WDFY3: variants seen among roughly 807,000 people sequenced by gnomAD.
WDFY3 encodes the protein WD repeat and FYVE domain containing 3.
Under a neutral mutation model 409.6 loss-of-function variants are expected in WDFY3, and 66 were observed. The observed-to-expected ratio is 0.16, with a 90% CI of 0.13 to 0.20. The LOEUF is 0.20. Among genes scored for constraint, WDFY3 ranks in the 10% least tolerant of loss-of-function variants. WDFY3 has a pLI of 1.00. For synonymous variants in WDFY3, 1,521 were observed against 1,537.1 expected (o/e 0.99, Z 0.25); for missense variants, 3,031 against 4,298.1 (o/e 0.71, Z 8.24).
intron 47 of WDFY3, among the ~76,000 whole-genome samples, chr4:84,719,080 TG>T (rs1237425065): frequency 2.0e-5 from 3 of 152,232 alleles, no homozygotes; most frequent in Admixed American, 6.5e-5. Context: ...TGTCTTTTTT[TG>T]TAAGTTTCTA....
In WDFY3 at chr4:84,787,541, G is replaced by A. The variant is rs2149524402; in HGVS notation, c.3842C>T (p.Thr1281Ile). Reference sequence around the variant, plus strand: ...ATTTGGTCCAAGTTCATAAATGGTAGTAACATTTGAAGAAGGTAAAACTTC... The same window carrying A: ...ATTTGGTCCAAGTTCATAAATGGTAATAACATTTGAAGAAGGTAAAACTTC... ...LEEVLPSSNVTTIYELGPNYV... is the reference protein window; with the variant it reads ...LEEVLPSSNVITIYELGPNYV... Residue 1281 changes from threonine (T) to isoleucine (I), a missense_variant, in exon 23 of 68, where the codon ACT becomes ATT. Transcript: ENST00000295888. The A allele has an allele frequency of 1.9e-6, 3 of 1,614,164 alleles. No individual in the cohort carries two copies. Among genetic ancestry groups the A allele is most frequent in the Non-Finnish European group, 2.5e-6 (3 of 1,180,040 alleles).
chr4:84,817,582 A>G lies in WDFY3; in HGVS notation c.1697T>C (p.Ile566Thr). ...TCTTGCACCTCCAAATTCTCGAAAA[A>G]TTCCTTGAAGGAAGGAGAAAAAGTC... The part of the protein sequence containing the change: ...LLQGSNTNAG[I>T]FREFGGARCA... Residue 566 changes from isoleucine (I) to threonine (T), a missense_variant, in exon 13 of 68, where the codon ATT (isoleucine) becomes ACT (threonine). Coordinates refer to ENST00000295888, the MANE Select transcript of WDFY3 (RefSeq NM_014991.6). 6.3e-7 allele frequency: 1 copy of G among 1,593,178 alleles called. No individual in the cohort carries two copies. Among genetic ancestry groups the G allele is most frequent in the Non-Finnish European group, 8.6e-7 (1 of 1,168,466 alleles).
At chr4:84,686,813 A>G (rs1728405400) in intron 62 of WDFY3, among the ~76,000 whole-genome samples, 1 of 152,160 alleles carries the variant, frequency 6.6e-6, no homozygotes, top group Non-Finnish European at 1.5e-5. Context: ...CAACTTACTA[A>G]CGCGATAAGC....
chr4:84,848,958 G>C (rs1403236999), intron 5 of WDFY3, among the ~76,000 whole-genome samples: 2 of 152,046 alleles, frequency 1.3e-5, no homozygotes, highest in African/African-American at 4.8e-5. Context: ...CAGGCTAAAG[G>C]TATCACTTTA....
chr4:84,850,824 A>G (rs1758812218), intron 4 of WDFY3, among the ~76,000 whole-genome samples: 1 of 151,948 alleles, frequency 6.6e-6, no homozygotes, highest in African/African-American at 2.4e-5. Flanking sequence ...CAAAAAAACT[A>G]GAAAACAGAA....
At chr4:84,832,812 G>A (rs1311859506) in intron 7 of WDFY3, among the ~76,000 whole-genome samples, 1 of 151,816 alleles carries the variant, frequency 6.6e-6, no homozygotes, top group Admixed American at 6.6e-5. Context: ...AAATAGCATT[G>A]CTTTTCCAAG....
intron 30 of WDFY3, among the ~76,000 whole-genome samples, chr4:84,768,135 T>G (rs141310685): frequency 4.0e-5 from 6 of 151,744 alleles, no homozygotes; most frequent in African/African-American, 1.5e-4. Flanking sequence ...CCAGAAGAGG[T>G]TGGTTCATGA....
At chr4:84,785,848 C>A in intron 24 of WDFY3, 131 bp downstream of exon 24, 1 of 1,166,944 alleles carries the variant, frequency 8.6e-7, no homozygotes, top group Non-Finnish European at 1.2e-6. Context: ...GTCAAATTAA[C>A]CAAACATAAA....
chr4:84,793,208 T>G (rs1748811088), intron 21 of WDFY3, among the ~76,000 whole-genome samples: 1 of 152,194 alleles, frequency 6.6e-6, no homozygotes, highest in Non-Finnish European at 1.5e-5. Context: ...AAACTGGGTG[T>G]CTCTCCTAGG....
intron 32 of WDFY3, among the ~76,000 whole-genome samples, chr4:84,757,508 A>G (rs535073647): frequency 3.3e-4 from 51 of 152,324 alleles, no homozygotes; most frequent in Non-Finnish European, 6.5e-4. Flanking sequence ...CCTAAGAAAA[A>G]AGTGAAATCC....
intron 2 of WDFY3, among the ~76,000 whole-genome samples, chr4:84,908,268 T>C (rs1561052180): frequency 6.6e-6 from 1 of 152,112 alleles, no homozygotes; most frequent in African/African-American, 2.4e-5. Context: ...GCCTGAAATA[T>C]CTTAGCAACA....
intron 1 of WDFY3, among the ~76,000 whole-genome samples, chr4:84,944,084 A>G (rs1030691288): frequency 6.6e-6 from 1 of 152,244 alleles, no homozygotes; most frequent in Non-Finnish European, 1.5e-5. Flanking sequence ...TCGTGTAATG[A>G]TTTTCAATAA....
chr4:84,676,269 A>G (rs1462448679), intron 67 of WDFY3, among the ~76,000 whole-genome samples: 2 of 152,364 alleles, frequency 1.3e-5, no homozygotes, highest in South Asian at 4.1e-4. Flanking sequence ...GCCAACAAAC[A>G]TGAAAAGATG....
At chr4:84,937,245 T>A (rs562855971) in intron 1 of WDFY3, among the ~76,000 whole-genome samples, 1 of 152,172 alleles carries the variant, frequency 6.6e-6, no homozygotes, top group Non-Finnish European at 1.5e-5. Context: ...TCTTGACTTA[T>A]CTGCAGCATT....
chr4:84,846,720 A>C (rs1758124841), intron 5 of WDFY3, among the ~76,000 whole-genome samples: 1 of 151,588 alleles, frequency 6.6e-6, no homozygotes, highest in Admixed American at 6.6e-5. Context: ...CGTATTTTTA[A>C]AAGGTATAAA....
intron 12 of WDFY3, among the ~76,000 whole-genome samples, 188 bp from the exon 13 acceptor site, chr4:84,817,773 T>A (rs574273169): frequency 3.2e-4 from 49 of 152,328 alleles, no homozygotes; most frequent in South Asian, 1.7e-3. Context: ...CAAAGGTATA[T>A]GCAAATTTTC....
At chr4:84,946,760 A>G (rs991928831) in intron 1 of WDFY3, among the ~76,000 whole-genome samples, 1 of 152,068 alleles carries the variant, frequency 6.6e-6, no homozygotes, top group Non-Finnish European at 1.5e-5. Context: ...CCCTGGCTCT[A>G]GTACAGACAG....
intron 3 of WDFY3, among the ~76,000 whole-genome samples, chr4:84,890,288 C>G (rs1049403380): frequency 3.3e-5 from 5 of 152,024 alleles, no homozygotes; most frequent in African/African-American, 1.2e-4. Context: ...TTTGTAGAGA[C>G]AGAGTTTCAC....
At chr4:84,717,373 T>G in intron 48 of WDFY3, among the ~76,000 whole-genome samples, 1 of 152,180 alleles carries the variant, frequency 6.6e-6, no homozygotes, top group Non-Finnish European at 1.5e-5. Context: ...CATTTTAATA[T>G]AAGATTATAT....
Sources: gnomAD v4.1 joint callset for allele counts (sites outside exome capture counted in the v4.1 genomes callset) on GRCh38, gnomAD v4.1.1 for gene constraint, MANE v1.5 for transcripts, NCBI Gene and HGNC (gene_info 2026-07-23, HGNC 2026-07-21) for gene names.